Variants in TENM3 observed in about 807,000 individuals in gnomAD.
TENM3 encodes teneurin transmembrane protein 3.
In TENM3, 63 loss-of-function variants were observed where a neutral mutation model predicts 255.1. The ratio of observed to expected loss-of-function variants is 0.25; its 90% CI spans 0.20 to 0.30. TENM3 has a LOEUF of 0.30. TENM3 is among the 10% of genes least tolerant of loss of function. The pLI is 1.00. For missense variants in TENM3, 2,929 were observed against 3,461.1 expected, an observed-to-expected ratio of 0.85 and a Z score of 3.86; for synonymous variants, 1,306 against 1,322.3, an observed-to-expected ratio of 0.99 and a Z score of 0.27.
At chr4:181,685,903 G>C in the TENM3 span, among the ~76,000 whole-genome samples, 1 of 152,154 alleles carries the variant, frequency 6.6e-6, no homozygotes, top group South Asian at 2.1e-4. Context: ...TAGGGAACAC[G>C]TTTAATTGTA....
chr4:182,601,346 A>G (rs923809268), intron 4 of TENM3, among the ~76,000 whole-genome samples, 185 bp downstream of exon 4: 1 of 152,132 alleles, frequency 6.6e-6, no homozygotes, highest in Non-Finnish European at 1.5e-5. Flanking sequence ...GAATGTGCCT[A>G]TTCTTTTCAC....
chr4:182,468,824 T>TGTGTGTG (rs1732835421), intron 3 of TENM3, among the ~76,000 whole-genome samples: 1 of 143,778 alleles, frequency 7.0e-6, no homozygotes. Flanking sequence ...TCCTGTGTGC[T>TGTGTGTG]TGTGTGTGTG....
rs2152841016 is a variant in TENM3 at position 182,800,169 on chromosome 4, G to A, written c.7918G>A (p.Val2640Met). 1.3e-6 allele frequency: 2 copies of A among 1,502,300 alleles called. No homozygotes were observed. The highest frequency in any genetic ancestry group is 1.8e-6 in the Non-Finnish European group (2 of 1,134,514). 93.1% of individuals were successfully genotyped at this position (1,502,300 alleles called of 1,614,324 possible). Residue 2640 changes from valine (V) to methionine (M), a missense_variant, in exon 28 of 28, where the codon GTG (valine) becomes ATG (methionine). This residue lies in a region of TENM3 where 476 missense variants were observed against 480.1 expected (regional missense o/e 0.99). Transcript: ENST00000511685. ...GGCCTGGGCGCGCGAGCAGCAGCGC[G>A]TGCGCGACGGCGAGGAGGGCGCGCG... ...ARAWAREQQR[V>M]RDGEEGARLW... is the part of the protein sequence containing the mutation.
intron 3 of TENM3, among the ~76,000 whole-genome samples, chr4:182,444,681 C>CT (rs1240130241): frequency 6.6e-6 from 1 of 152,046 alleles, no homozygotes; most frequent in African/African-American, 2.4e-5. Flanking sequence ...TATTTTGCTC[C>CT]TTCTCAAATC....
the TENM3 span, among the ~76,000 whole-genome samples, chr4:182,134,003 A>G: frequency 6.6e-6 from 1 of 152,114 alleles, no homozygotes; most frequent in African/African-American, 2.4e-5. Context: ...AGAAACGTAT[A>G]TGTTCTCAAG....
the TENM3 span, among the ~76,000 whole-genome samples, chr4:181,946,370 C>A: frequency 3.3e-5 from 5 of 152,150 alleles, no homozygotes; most frequent in Admixed American, 6.5e-5. Flanking sequence ...TGGCAACATG[C>A]TAGAAGGATA....
At chr4:181,748,862 A>C in the TENM3 span, among the ~76,000 whole-genome samples, 3 of 152,144 alleles carry the variant, frequency 2.0e-5, no homozygotes, top group Admixed American at 6.6e-5. Context: ...TACACCATGC[A>C]TAAATTATTA....
chr4:181,737,541 G>GA, the TENM3 span, among the ~76,000 whole-genome samples: 7 of 152,016 alleles, frequency 4.6e-5, no homozygotes, highest in Middle Eastern at 3.4e-3. Flanking sequence ...TCTTCAGGGG[G>GA]AAAAAAACGC....
chr4:181,723,143 G>T, the TENM3 span, among the ~76,000 whole-genome samples: 1 of 151,838 alleles, frequency 6.6e-6, no homozygotes, highest in African/African-American at 2.4e-5. Flanking sequence ...ATAAAGTACT[G>T]GTCTAGATCA....
At chr4:182,621,773 T>TAA (rs1750267232) in intron 4 of TENM3, among the ~76,000 whole-genome samples, 3 of 61,130 alleles carry the variant, frequency 4.9e-5, no homozygotes, top group African/African-American at 1.8e-4. Context: ...TAATTATATA[T>TAA]TATATATAAT....
chr4:181,525,396 CAAAAAA>C, the TENM3 span, among the ~76,000 whole-genome samples: 4 of 97,312 alleles, frequency 4.1e-5, no homozygotes, highest in East Asian at 3.4e-4. Flanking sequence ...GACCCTGTTT[CAAAAAA>C]AAAAAAAAAA....
chr4:181,762,302 A>C, the TENM3 span, among the ~76,000 whole-genome samples: 7 of 152,210 alleles, frequency 4.6e-5, no homozygotes, highest in African/African-American at 1.7e-4. Context: ...AGCATGTACT[A>C]GCACAGGATA....
At chr4:182,638,673 C>T (rs11731869) in intron 5 of TENM3, among the ~76,000 whole-genome samples, 7,435 of 152,144 alleles carry the variant, frequency 0.049, 279 homozygotes, top group East Asian at 0.2. Flanking sequence ...GTGACTTATC[C>T]GGGAGGGAAT....
the TENM3 span, among the ~76,000 whole-genome samples, chr4:181,796,038 G>A: frequency 6.6e-6 from 1 of 152,188 alleles, no homozygotes; most frequent in Non-Finnish European, 1.5e-5. Flanking sequence ...TTTGGCAATT[G>A]ATTGGATATG....
intron 3 of TENM3, among the ~76,000 whole-genome samples, chr4:182,449,661 C>T (rs1018479545): frequency 6.6e-6 from 1 of 152,114 alleles, no homozygotes; most frequent in Non-Finnish European, 1.5e-5. Flanking sequence ...AACTAAAATC[C>T]ATCATACTAA....
At chr4:182,197,407 C>G (rs1753896261) in intron 1 of TENM3, among the ~76,000 whole-genome samples, 2 of 152,158 alleles carry the variant, frequency 1.3e-5, no homozygotes, top group African/African-American at 4.8e-5. Flanking sequence ...CCCAATTTAA[C>G]AAAAGAAGTT....
intron 24 of TENM3, among the ~76,000 whole-genome samples, chr4:182,777,229 C>G (rs766119133): frequency 7.2e-5 from 11 of 151,996 alleles, no homozygotes; most frequent in Non-Finnish European, 1.6e-4. Flanking sequence ...GCATTATTTC[C>G]TAGCAGAATG....
chr4:182,446,305 C>A (rs950079855), intron 3 of TENM3, among the ~76,000 whole-genome samples: 2 of 152,058 alleles, frequency 1.3e-5, no homozygotes, highest in Non-Finnish European at 2.9e-5. Context: ...CAGTACACTC[C>A]AATATAAAAT....
intron 1 of TENM3, among the ~76,000 whole-genome samples, chr4:182,297,195 A>G (rs1341803072): frequency 6.6e-6 from 1 of 152,184 alleles, no homozygotes. Flanking sequence ...TTCCCATCAT[A>G]TAACTGGGGC....
Sources: allele counts gnomAD v4.1 joint callset (sites outside exome capture counted in the v4.1 genomes callset), GRCh38; gene constraint gnomAD v4.1.1; regional missense constraint gnomAD v4.1.1; transcripts MANE v1.5; gene names NCBI Gene and HGNC (gene_info 2026-07-23, HGNC 2026-07-21).